The following MRPL3 variants were observed in gnomAD, a reference collection of about 807,000 sequenced individuals.
MRPL3 encodes the protein mitochondrial ribosomal protein L3.
Under a neutral mutation model 44.3 loss-of-function variants are expected in MRPL3, and 43 were observed. The ratio of observed to expected loss-of-function variants is 0.97; its 90% CI spans 0.76 to 1.25. MRPL3 has a LOEUF of 1.25. MRPL3 is among the 50% of genes most tolerant of loss of function. The pLI is 0.00. For synonymous variants in MRPL3, 171 were observed against 152.3 expected (o/e 1.12, Z -0.91); for missense variants, 406 against 427.6 (o/e 0.95, Z 0.45).
At chr3:131,474,589 G>GT (rs1312045146) in intron 6 of MRPL3, among the ~76,000 whole-genome samples, 1 of 152,000 alleles carries the variant, frequency 6.6e-6, no homozygotes, top group Non-Finnish European at 1.5e-5. Context: ...AACAGGTACC[G>GT]TAACTACCCT....
chr3:131,479,182 G>A, intron 6 of MRPL3: 1 of 518,998 alleles, frequency 1.9e-6, no homozygotes, highest in Non-Finnish European at 3.8e-6. Flanking sequence ...TGCATACACT[G>A]TCCCCCCTGC....
chr3:131,469,655 C>T (rs376653354), intron 8 of MRPL3, 41 bp downstream of exon 8: 19 of 1,394,944 alleles, frequency 1.4e-5, no homozygotes, highest in African/African-American at 2.8e-5. Context: ...TGCATTTAGA[C>T]AATTTAGCTG....
chr3:131,484,611 T>C (rs1246476541), intron 6 of MRPL3, among the ~76,000 whole-genome samples: 5 of 152,228 alleles, frequency 3.3e-5, no homozygotes, highest in South Asian at 2.1e-4. Flanking sequence ...GGTATGCACA[T>C]GTATGTGTAC....
chr3:131,475,380 C>A (rs1036770160), intron 6 of MRPL3, among the ~76,000 whole-genome samples: 1 of 152,144 alleles, frequency 6.6e-6, no homozygotes, highest in Admixed American at 6.6e-5. Flanking sequence ...AAGGATAAGG[C>A]TGGGTCTGGT....
Position 131,487,296 on chromosome 3 carries a change from G to C in MRPL3, c.629+384C>G, listed in dbSNP as rs1934148453. The C allele has an allele frequency of 1.7e-5, 3 of 181,326 alleles. No homozygotes were observed. In the South Asian group the frequency reaches 3.4e-4, roughly 21 times the overall value. The allele number at this position is 181,326 out of a possible 1,614,324, so 11.2% of individuals were successfully genotyped here. On this transcript the variant is annotated intron_variant, in intron 6 of 9. Coordinates refer to ENST00000264995, the MANE Select transcript of MRPL3 (RefSeq NM_007208.4). Reference sequence around the variant, plus strand: ...CGGGGAACATCACACACCAGGCCCTGTCAGCGGTGAGGGGCTGGGGGAGGG... The same window carrying C: ...CGGGGAACATCACACACCAGGCCCTCTCAGCGGTGAGGGGCTGGGGGAGGG...
rs771384278 is a variant in MRPL3, at chr3:131,502,860, G to A, written c.-39C>T. On this transcript the variant is annotated 5_prime_UTR_variant, in exon 1 of 10. Coordinates refer to ENST00000264995, the MANE Select transcript of MRPL3 (RefSeq NM_007208.4). ...AAGACTCGACTCACGACTTCCGGGC[G>A]CCCTGCCGCTCTGCTTTCAGGGAGT... 1 of 1,586,992 alleles carries A rather than the reference G, an allele frequency of 6.3e-7. No homozygotes were observed. Among genetic ancestry groups the A allele is most frequent in the South Asian group, 1.1e-5 (1 of 88,952 alleles).
chr3:131,495,087 CT>C (rs1414879539), intron 4 of MRPL3, among the ~76,000 whole-genome samples: 1 of 152,142 alleles, frequency 6.6e-6, no homozygotes, highest in African/African-American at 2.4e-5. Flanking sequence ...AGTCTAATTT[CT>C]TGGAGGCATA....
At chr3:131,478,708 ATTTTTTT>A (rs68160977) in intron 6 of MRPL3, among the ~76,000 whole-genome samples, 1 of 135,788 alleles carries the variant, frequency 7.4e-6, no homozygotes, top group Non-Finnish European at 1.6e-5. Flanking sequence ...GAAATATTCG[ATTTTTTT>A]TTTTTTTTTT....
chr3:131,474,501 T>C (rs188086127), intron 6 of MRPL3, among the ~76,000 whole-genome samples: 138 of 152,212 alleles, frequency 9.1e-4, no homozygotes, highest in African/African-American at 3.3e-3. Context: ...TGGTTAACAG[T>C]AAATTATTAT....
At chr3:131,467,409 T>C (rs527616674) in intron 9 of MRPL3, among the ~76,000 whole-genome samples, 37 of 152,240 alleles carry the variant, frequency 2.4e-4, no homozygotes, top group African/African-American at 8.7e-4. Flanking sequence ...CCTGAAGATC[T>C]TTCTGCTTAC....
intron 4 of MRPL3, among the ~76,000 whole-genome samples, chr3:131,494,587 A>T (rs1488017866): frequency 6.6e-6 from 1 of 152,198 alleles, no homozygotes; most frequent in African/African-American, 2.4e-5. Flanking sequence ...CAAAACAGAC[A>T]ATATATATAA....
chr3:131,502,385 G>C (rs1934517869), intron 1 of MRPL3, among the ~76,000 whole-genome samples: 1 of 152,152 alleles, frequency 6.6e-6, no homozygotes, highest in East Asian at 1.9e-4. Flanking sequence ...CTAACCTTCA[G>C]TTTTATCTGT....
intron 1 of MRPL3, 116 bp downstream of exon 1, chr3:131,502,614 T>A: frequency 2.6e-6 from 2 of 780,918 alleles, no homozygotes; most frequent in Admixed American, 2.9e-5. Flanking sequence ...TTCTTCTGTG[T>A]CCCACGTCTC....
chr3:131,487,362 T>A, intron 6 of MRPL3: 2 of 225,810 alleles, frequency 8.9e-6, no homozygotes, highest in South Asian at 1.3e-4. Context: ...GACGAGTTGA[T>A]GGGTGCAGCA....
At chr3:131,490,540 G>A (rs1488945442) in intron 4 of MRPL3, among the ~76,000 whole-genome samples, 2 of 152,168 alleles carry the variant, frequency 1.3e-5, no homozygotes, top group African/African-American at 2.4e-5. Context: ...TATATCTAGA[G>A]ATACCTACAT....
At chr3:131,465,892 T>TC (rs969104329) in intron 9 of MRPL3, among the ~76,000 whole-genome samples, 7 of 34,698 alleles carry the variant, frequency 2.0e-4, no homozygotes, top group Non-Finnish European at 5.6e-4. Context: ...TTTTTCTCTC[T>TC]TTTTTTTTTT....
rs1000882704 is a variant in MRPL3 at position 131,495,729 on chromosome 3, A to G, written c.468+2450T>C. Among the ~76,000 whole-genome samples, 7 of 152,200 alleles carry G rather than the reference A, an allele frequency of 4.6e-5. No homozygotes were observed. The South Asian group carries it at 6.2e-4, about 13-fold the overall frequency. ...ATACTATTAGTATTACTTTCATAAA[A>G]TTTTGATTATAACACATCTTTATCA... On this transcript the variant is annotated intron_variant, in intron 4 of 9. Coordinates refer to ENST00000264995, the MANE Select transcript of MRPL3 (RefSeq NM_007208.4).
chr3:131,469,545 C>T (rs1292097239), intron 8 of MRPL3, 151 bp downstream of exon 8: 10 of 556,446 alleles, frequency 1.8e-5, no homozygotes, highest in African/African-American at 3.9e-5. Context: ...CACACACACA[C>T]ACACACACAC....
chr3:131,482,399 C>T (rs1478841599), intron 6 of MRPL3, among the ~76,000 whole-genome samples: 1 of 151,854 alleles, frequency 6.6e-6, no homozygotes, highest in Non-Finnish European at 1.5e-5. Flanking sequence ...GCCTGTAGTC[C>T]AGCTACTCGG....
Sources: gnomAD v4.1 joint callset for allele counts (sites outside exome capture counted in the v4.1 genomes callset) on GRCh38, gnomAD v4.1.1 for gene constraint, MANE v1.5 for transcripts, NCBI Gene and HGNC (gene_info 2026-07-23, HGNC 2026-07-21) for gene names.